Variants in GUCY1A2 observed in about 807,000 individuals in gnomAD.
GUCY1A2 encodes the protein guanylate cyclase soluble subunit alpha-2.
In GUCY1A2, 27 loss-of-function variants were observed where a neutral mutation model predicts 63.5. That is an observed-to-expected ratio of 0.43 (90% CI 0.31 to 0.59). The LOEUF is 0.59. GUCY1A2 is among the 20% of genes least tolerant of loss of function. GUCY1A2 has a pLI of 0.11. For synonymous variants in GUCY1A2, 364 were observed against 343.5 expected (o/e 1.06, Z -0.66); for missense variants, 768 against 913.3 (o/e 0.84, Z 2.05).
chr11:106,751,470 T>A (rs1262863106), intron 6 of GUCY1A2, among the ~76,000 whole-genome samples: 1 of 152,114 alleles, frequency 6.6e-6, no homozygotes, highest in African/African-American at 2.4e-5. Flanking sequence ...TCTATTCCCT[T>A]AGGGATTCCC....
rs999033866 is a variant in GUCY1A2, at chr11:106,978,567, T to C, written c.487+52A>G. 3.2e-6 allele frequency: 4 copies of C among 1,246,942 alleles called. No homozygotes were observed. The South Asian group carries it at 5.4e-5, about 17-fold the overall frequency. The allele number at this position is 1,246,942 out of a possible 1,614,324, so 77.2% of individuals were successfully genotyped here. A position where few individuals can be genotyped will look rare whatever the true frequency, so the allele number is the denominator to read the frequency against. On this transcript the variant is annotated intron_variant, in intron 3 of 7. Transcript: ENST00000526355. ...AACATGAAACACTTCCACCTCGACT[T>C]TCCCTCTCTTTCATTCTCTCTCATC...
intron 4 of GUCY1A2, among the ~76,000 whole-genome samples, chr11:106,828,412 G>A (rs1859006406): frequency 6.6e-6 from 1 of 152,000 alleles, no homozygotes; most frequent in African/African-American, 2.4e-5. Flanking sequence ...ATTCTTATGT[G>A]TATGGCTAGC....
At position 106,920,691 on chromosome 11, in the gene GUCY1A2, G is replaced by C. The variant is rs113153397; in HGVS notation, c.1206+18769C>G. 1.3e-3 allele frequency among the ~76,000 whole-genome samples: 196 copies of C among 152,190 alleles called. 1 individual carries two copies. Among genetic ancestry groups the C allele is most frequent in the African/African-American group, 4.4e-3 (184 of 41,558 alleles). Reference sequence around the variant, plus strand: ...TTAAATAGACACTAAAGCAACCCCTGTAAGCTGCTTCTTATTACCATTTTG... The same window carrying C: ...TTAAATAGACACTAAAGCAACCCCTCTAAGCTGCTTCTTATTACCATTTTG... On this transcript the variant is annotated intron_variant, in intron 4 of 7. Coordinates refer to ENST00000526355, the MANE Select transcript of GUCY1A2 (RefSeq NM_000855.3).
chr11:106,701,854 C>T (rs1862822681), intron 7 of GUCY1A2, among the ~76,000 whole-genome samples: 1 of 152,128 alleles, frequency 6.6e-6, no homozygotes, highest in Admixed American at 6.5e-5. Flanking sequence ...AATCATTATG[C>T]ATTGTAAACA....
At chr11:106,823,934 T>C (rs1457923132) in intron 4 of GUCY1A2, 2 of 436,622 alleles carry the variant, frequency 4.6e-6, no homozygotes, top group Non-Finnish European at 7.8e-6. Flanking sequence ...TTTGCATTCT[T>C]GTAAATTTTA....
At chr11:106,821,829 T>C (rs1858907452) in intron 4 of GUCY1A2, among the ~76,000 whole-genome samples, 1 of 152,192 alleles carries the variant, frequency 6.6e-6, no homozygotes, top group Non-Finnish European at 1.5e-5. Context: ...TGTTTGTGTA[T>C]TATTTTATGT....
chr11:106,824,021 CA>C, intron 4 of GUCY1A2: 2 of 1,324,276 alleles, frequency 1.5e-6, no homozygotes, highest in Non-Finnish European at 2.1e-6. Flanking sequence ...GTGATTCCTT[CA>C]AAAGCTTTCT....
chr11:107,010,660 AT>A (rs1015762642), intron 1 of GUCY1A2, among the ~76,000 whole-genome samples: 52 of 152,312 alleles, frequency 3.4e-4, no homozygotes, highest in African/African-American at 1.2e-3. Flanking sequence ...CCAAAAAAAA[AT>A]TAAACACAAA....
At chr11:106,908,517 C>T (rs1038742839) in intron 4 of GUCY1A2, among the ~76,000 whole-genome samples, 7 of 150,644 alleles carry the variant, frequency 4.6e-5, no homozygotes, top group Admixed American at 2.7e-4. Context: ...GAGTGAGAGC[C>T]GGTGACAAAA....
intron 1 of GUCY1A2, among the ~76,000 whole-genome samples, chr11:106,998,689 G>A (rs1330033628): frequency 6.6e-6 from 1 of 151,702 alleles, no homozygotes; most frequent in South Asian, 2.1e-4. Flanking sequence ...CCTATAAATA[G>A]CAAAATCTCT....
chr11:106,782,516 G>A (rs1864483131), intron 5 of GUCY1A2, among the ~76,000 whole-genome samples: 1 of 152,150 alleles, frequency 6.6e-6, no homozygotes, highest in South Asian at 2.1e-4. Flanking sequence ...AGAATGCTTG[G>A]TTCTTAGAAA....
intron 3 of GUCY1A2, among the ~76,000 whole-genome samples, chr11:106,959,448 G>A (rs1861032246): frequency 6.6e-6 from 1 of 152,106 alleles, no homozygotes; most frequent in Admixed American, 6.5e-5. Context: ...TAATGTTCAT[G>A]ATATGCCCAA....
chr11:106,960,387 C>G (rs1328491272), intron 3 of GUCY1A2, among the ~76,000 whole-genome samples: 1 of 152,092 alleles, frequency 6.6e-6, no homozygotes, highest in Non-Finnish European at 1.5e-5. Context: ...AGATTATTTT[C>G]TGTATTGTTG....
In GUCY1A2 at chr11:106,680,094, A is replaced by T. The variant is rs1862407915; in HGVS notation, c.*7455T>A. The T allele has an allele frequency of 1.4e-5, 3 of 215,876 alleles. No homozygotes were observed. The East Asian group carries it at 2.1e-4, about 15-fold the overall frequency. The allele number at this position is 215,876 out of a possible 1,614,324, so 13.4% of individuals were successfully genotyped here. ...AGAGTCTCTACATCTTCCTGAATAA[A>T]AAACTAACTCTCTTTGCTTCATCTC... On this transcript the variant is annotated 3_prime_UTR_variant, in exon 8 of 8. Coordinates refer to ENST00000526355, the MANE Select transcript of GUCY1A2 (RefSeq NM_000855.3).
At chr11:106,708,458 T>C in intron 7 of GUCY1A2, 54 bp downstream of exon 7, 10 of 1,444,772 alleles carry the variant, frequency 6.9e-6, no homozygotes, top group Non-Finnish European at 8.7e-6. Flanking sequence ...GATGACAGCA[T>C]AGCAGCCCAA....
chr11:106,988,824 T>A (rs1861435381), intron 1 of GUCY1A2, among the ~76,000 whole-genome samples: 1 of 152,188 alleles, frequency 6.6e-6, no homozygotes, highest in Non-Finnish European at 1.5e-5. Context: ...CTTATCACCA[T>A]GGATTCATTC....
At chr11:106,960,764 C>T (rs181832471) in intron 3 of GUCY1A2, among the ~76,000 whole-genome samples, 10 of 152,118 alleles carry the variant, frequency 6.6e-5, no homozygotes, top group Admixed American at 6.6e-4. Context: ...TATGTTAAAT[C>T]CTCTTTTCTA....
At chr11:106,938,151 G>A (rs2119970059) in intron 4 of GUCY1A2, among the ~76,000 whole-genome samples, 1 of 152,106 alleles carries the variant, frequency 6.6e-6, no homozygotes, top group South Asian at 2.1e-4. Flanking sequence ...TGTTGGCCAG[G>A]CTGGTCTCAA....
At chr11:106,732,756 T>C (rs1350459351) in intron 6 of GUCY1A2, among the ~76,000 whole-genome samples, 4 of 152,146 alleles carry the variant, frequency 2.6e-5, no homozygotes, top group African/African-American at 9.7e-5. Context: ...GAATGAAATA[T>C]GATTGACTCA....
Sources: gnomAD v4.1 joint callset for allele counts (sites outside exome capture counted in the v4.1 genomes callset) on GRCh38, gnomAD v4.1.1 for gene constraint, MANE v1.5 for transcripts, NCBI Gene and HGNC (gene_info 2026-07-23, HGNC 2026-07-21) for gene names.